Variants in MAPRE3 observed in about 807,000 individuals in gnomAD.
MAPRE3 encodes the protein microtubule associated protein RP/EB family member 3.
A neutral mutation model predicts 30.5 loss-of-function variants in MAPRE3; 2 were observed. That is an observed-to-expected ratio of 0.07 (90% CI 0.03 to 0.21). MAPRE3 has a LOEUF of 0.21. Ranked by LOEUF, MAPRE3 falls within the 10% of genes least tolerant of loss-of-function variation. MAPRE3 has a pLI of 1.00. For missense variants in MAPRE3, 204 were observed against 351.8 expected (o/e 0.58, Z 3.36); for synonymous variants, 110 against 127.7 (o/e 0.86, Z 0.93).
intron 1 of MAPRE3, among the ~76,000 whole-genome samples, chr2:26,995,780 G>GGT (rs1276648645): frequency 0.072 from 7,914 of 109,496 alleles, 409 homozygotes; most frequent in African/African-American, 0.082. Context: ...TTCTAAGAGA[G>GGT]GTGTGTGTGT....
chr2:26,988,892 C>T (rs1378865481), intron 1 of MAPRE3, among the ~76,000 whole-genome samples: 1 of 152,184 alleles, frequency 6.6e-6, no homozygotes, highest in Non-Finnish European at 1.5e-5. Context: ...AACCTTTACC[C>T]AAAGCCAAAA....
At chr2:27,009,414 A>C (rs944602729) in intron 1 of MAPRE3, among the ~76,000 whole-genome samples, 1 of 152,240 alleles carries the variant, frequency 6.6e-6, no homozygotes, top group Non-Finnish European at 1.5e-5. Flanking sequence ...TCTCTTGGGA[A>C]TCTCTTCAGC....
chr2:27,002,419 C>CT (rs11372255), intron 1 of MAPRE3, among the ~76,000 whole-genome samples: 139,121 of 147,192 alleles, frequency 0.95, 65,920 homozygotes, highest in East Asian at 0.99. Flanking sequence ...GGCTTTTAAT[C>CT]TTTTTTTTTT....
At chr2:27,019,241 G>A (rs895395496) in intron 1 of MAPRE3, among the ~76,000 whole-genome samples, 11 of 151,868 alleles carry the variant, frequency 7.2e-5, no homozygotes, top group African/African-American at 1.5e-4. Flanking sequence ...ATGAAGAGCC[G>A]TGCCCAGGGT....
At chr2:27,009,168 G>T (rs1666795537) in intron 1 of MAPRE3, among the ~76,000 whole-genome samples, 1 of 152,114 alleles carries the variant, frequency 6.6e-6, no homozygotes, top group African/African-American at 2.4e-5. Flanking sequence ...AAATTTCATG[G>T]AGTATATGCC....
At chr2:27,005,466 C>G (rs1355081492) in intron 1 of MAPRE3, among the ~76,000 whole-genome samples, 1 of 152,218 alleles carries the variant, frequency 6.6e-6, no homozygotes, top group Non-Finnish European at 1.5e-5. Context: ...TCTCACATCT[C>G]ATAGTGCTCT....
At chr2:27,018,863 T>C (rs1231414673) in intron 1 of MAPRE3, among the ~76,000 whole-genome samples, 1 of 151,692 alleles carries the variant, frequency 6.6e-6, no homozygotes, top group African/African-American at 2.4e-5. Context: ...TTGAAGAGCT[T>C]ACAGTCAGGT....
At chr2:27,023,606 C>A in intron 3 of MAPRE3, 129 bp downstream of exon 3, 1 of 1,114,038 alleles carries the variant, frequency 9.0e-7, no homozygotes, top group Non-Finnish European at 1.3e-6. Context: ...CCTCCCGACT[C>A]TCCAGAGGGA....
chr2:26,996,646 CGGGCGCCGTGGT>C, intron 1 of MAPRE3, among the ~76,000 whole-genome samples: 1 of 152,112 alleles, frequency 6.6e-6, no homozygotes, highest in South Asian at 2.1e-4. Context: ...AAAAATTAGC[CGGGCGCCGTGGT>C]GGGCGCCTGT....
intron 1 of MAPRE3, among the ~76,000 whole-genome samples, chr2:26,973,016 A>T (rs763470323): frequency 2.0e-5 from 3 of 152,214 alleles, no homozygotes; most frequent in Admixed American, 1.3e-4. Context: ...ACCTAAATCT[A>T]TGTAATGGTA....
chr2:26,971,605 A>T lies in MAPRE3; in HGVS notation c.-8+803A>T, dbSNP rs146597644. ...GGTGTTGTGAATAAGCATCTTGCGG[A>T]ACTCTTTAAAATGCTTTTTTTTTTT... On this transcript the variant is annotated intron_variant, in intron 1 of 6. Coordinates refer to ENST00000233121, the MANE Select transcript of MAPRE3 (RefSeq NM_012326.4). Among the ~76,000 whole-genome samples, 1,268 of 150,140 alleles carry T rather than the reference A, an allele frequency of 8.4e-3. 17 individuals carry two copies. Among genetic ancestry groups the T allele is most frequent in the African/African-American group, 0.03 (1,232 of 40,974 alleles).
At chr2:26,999,044 G>A (rs573598712) in intron 1 of MAPRE3, among the ~76,000 whole-genome samples, 1 of 152,250 alleles carries the variant, frequency 6.6e-6, no homozygotes, top group Non-Finnish European at 1.5e-5. Context: ...TACAAGCCAA[G>A]GCGGGGAGGG....
intron 1 of MAPRE3, 109 bp from the exon 2 acceptor site, chr2:27,022,103 C>T: frequency 7.5e-7 from 1 of 1,324,774 alleles, no homozygotes; most frequent in Non-Finnish European, 1.0e-6. Flanking sequence ...CGAGGCCAAT[C>T]TGGAGGGAAT....
intron 2 of MAPRE3, among the ~76,000 whole-genome samples, chr2:27,023,004 T>C (rs1667143443): frequency 6.6e-6 from 1 of 152,180 alleles, no homozygotes; most frequent in African/African-American, 2.4e-5. Context: ...GGTGCAACCT[T>C]GGGCAAGTCA....
chr2:26,977,487 G>T (rs1323800325), intron 1 of MAPRE3, among the ~76,000 whole-genome samples: 1 of 152,062 alleles, frequency 6.6e-6, no homozygotes, highest in African/African-American at 2.4e-5. Flanking sequence ...TGAGGGTTTT[G>T]CTCATTTTTT....
Position 27,026,594 on chromosome 2 carries a change from C to T in MAPRE3, c.*246C>T, listed in dbSNP as rs999245915. 4.3e-6 allele frequency: 2 copies of T among 460,730 alleles called. No homozygotes were observed. The highest frequency in any genetic ancestry group is 7.6e-6 in the Non-Finnish European group (2 of 261,756). 28.5% of individuals were successfully genotyped at this position (460,730 alleles called of 1,614,324 possible). A position where few individuals can be genotyped will look rare whatever the true frequency, so the allele number is the denominator to read the frequency against. ...CCCACCCTATTTATTTCCGTTGTCT[C>T]TCTGCTGTGTCGCCCAACACTTCCC... On this transcript the variant is annotated 3_prime_UTR_variant, in exon 7 of 7. Transcript: ENST00000233121.
At chr2:27,022,078 T>C (rs1667120918) in intron 1 of MAPRE3, 134 bp from the exon 2 acceptor site, 2 of 973,624 alleles carry the variant, frequency 2.1e-6, no homozygotes, top group South Asian at 3.1e-5. Context: ...AGACCCTCCC[T>C]CTGGGGATAA....
chr2:26,974,547 G>A (rs1665979167), intron 1 of MAPRE3, among the ~76,000 whole-genome samples: 1 of 152,144 alleles, frequency 6.6e-6, no homozygotes. Flanking sequence ...GGGCAGCTGC[G>A]GGCTTATCTT....
At position 27,022,235 on chromosome 2, in the gene MAPRE3, A is replaced by C; in HGVS notation, c.17A>C (p.Tyr6Ser). The C allele has an allele frequency of 6.2e-7, 1 of 1,613,752 alleles. No homozygotes were observed. Among genetic ancestry groups the C allele is most frequent in the Non-Finnish European group, 8.5e-7 (1 of 1,179,966 alleles). ...AGCTGGGGTATGGCCGTCAATGTGTACTCCACATCTGTGACCAGTGAAAAT... is the reference window on the plus strand; with the variant it reads ...AGCTGGGGTATGGCCGTCAATGTGTCCTCCACATCTGTGACCAGTGAAAAT... MAVNVYSTSVTSENLS... is the reference protein window; with the variant it reads MAVNVSSTSVTSENLS... The change falls in exon 2 of 7, where the codon TAC becomes TCC. Residue 6 changes from tyrosine to serine, a missense_variant. Transcript: ENST00000233121.
Sources: allele counts gnomAD v4.1 joint callset (sites outside exome capture counted in the v4.1 genomes callset), GRCh38; gene constraint gnomAD v4.1.1; transcripts MANE v1.5; gene names NCBI Gene and HGNC (gene_info 2026-07-23, HGNC 2026-07-21).